The following GCNT2 variants were observed in gnomAD, a reference collection of about 807,000 sequenced individuals.
The protein encoded by GCNT2 is glucosaminyl (N-acetyl) transferase 2 (I blood group), also known as N-acetyllactosaminide beta-1,6-N-acetylglucosaminyl-transferase.
GCNT2 carries 34 observed loss-of-function variants against 34.2 expected under a neutral mutation model. The ratio of observed to expected loss-of-function variants is 1.00; its 90% CI spans 0.76 to 1.32. The LOEUF (loss-of-function observed/expected upper bound fraction) is 1.32, where lower values mean the gene tolerates loss of function less well. GCNT2 is among the 40% of genes most tolerant of loss of function. The pLI, the probability that GCNT2 is intolerant of heterozygous loss-of-function variation, is 0.00. For missense variants in GCNT2, 584 were observed against 489.4 expected, an observed-to-expected ratio of 1.19 and a Z score of -1.82; for synonymous variants, 212 against 188.0, an observed-to-expected ratio of 1.13 and a Z score of -1.04.
At chr6:10,566,654 G>A (rs1763296228) in intron 3 of GCNT2, among the ~76,000 whole-genome samples, 2 of 152,190 alleles carry the variant, frequency 1.3e-5, no homozygotes, top group South Asian at 2.1e-4. Flanking sequence ...AGGCTTCAAG[G>A]GCAGCAGCTG....
At chr6:10,565,776 C>T (rs116787572) in intron 3 of GCNT2, among the ~76,000 whole-genome samples, 1 of 152,286 alleles carries the variant, frequency 6.6e-6, no homozygotes, top group African/African-American at 2.4e-5. Context: ...CGTTCCACTT[C>T]TGGCGCCGTC....
At position 10,617,490 on chromosome 6, in the gene GCNT2, C is replaced by T. The variant is rs1236385399; in HGVS notation, c.926-3861C>T. ...CAGTGCAGCCGCGGGCTGAAGGGCT[C>T]CTCAAGTGGGGCCAGAGTGGGTGCC... is the stretch of plus-strand genomic sequence containing the variant. On this transcript the variant is annotated intron_variant, in intron 3 of 4. Transcript: ENST00000495262. Among the ~76,000 whole-genome samples the T allele has an allele frequency of 3.9e-5, 6 of 152,296 alleles. No individual in the cohort carries two copies. In the South Asian group the frequency reaches 6.2e-4, roughly 16 times the overall value.
intron 3 of GCNT2, among the ~76,000 whole-genome samples, chr6:10,590,817 G>C (rs1399667625): frequency 6.6e-6 from 1 of 152,164 alleles, no homozygotes; most frequent in African/African-American, 2.4e-5. Context: ...CTCCCAAAGT[G>C]CTGGGATTAC....
At chr6:10,605,550 C>T (rs1242598890) in intron 3 of GCNT2, among the ~76,000 whole-genome samples, 4 of 152,006 alleles carry the variant, frequency 2.6e-5, no homozygotes, top group Non-Finnish European at 5.9e-5. Context: ...CTGGGCCCCA[C>T]CTCCACCCAG....
At chr6:10,558,515 C>T (rs1047108361) in intron 3 of GCNT2, among the ~76,000 whole-genome samples, 10 of 152,254 alleles carry the variant, frequency 6.6e-5, no homozygotes, top group African/African-American at 1.2e-4. Flanking sequence ...TTTACCAGAC[C>T]GATTGTTTTT....
chr6:10,536,828 C>T (rs1419165645), intron 3 of GCNT2, among the ~76,000 whole-genome samples: 1 of 151,836 alleles, frequency 6.6e-6, no homozygotes, highest in Non-Finnish European at 1.5e-5. Flanking sequence ...CTCAGCCTCC[C>T]GAGTACCTGG....
At chr6:10,524,847 G>A (rs367828288) in intron 1 of GCNT2, among the ~76,000 whole-genome samples, 1 of 143,494 alleles carries the variant, frequency 7.0e-6, no homozygotes, top group African/African-American at 2.7e-5. Context: ...CCAAAAAAAA[G>A]AAAAGGAAAG....
At chr6:10,560,343 G>A (rs1225989) in intron 3 of GCNT2, among the ~76,000 whole-genome samples, 3,153 of 152,140 alleles carry the variant, frequency 0.021, 110 homozygotes, top group African/African-American at 0.069. Flanking sequence ...CGCCCACCTC[G>A]GCCTCCCAAA....
At position 10,618,843 on chromosome 6, in the gene GCNT2, A is replaced by G. The variant is rs370051831; in HGVS notation, c.926-2508A>G. 3.3e-5 allele frequency among the ~76,000 whole-genome samples: 5 copies of G among 152,344 alleles called. No individual in the cohort carries two copies. In the East Asian group the frequency reaches 9.6e-4, roughly 29 times the overall value. On this transcript the variant is annotated intron_variant, in intron 3 of 4. Transcript: ENST00000495262. Reference sequence around the variant, plus strand: ...TTGCTTAATAGTGTTTTTCTTGAATACTTGAATACTTTTATTAAATAAATT... The same window carrying G: ...TTGCTTAATAGTGTTTTTCTTGAATGCTTGAATACTTTTATTAAATAAATT...
At chr6:10,554,331 A>G (rs1762602820) in intron 3 of GCNT2, among the ~76,000 whole-genome samples, 1 of 152,254 alleles carries the variant, frequency 6.6e-6, no homozygotes, top group African/African-American at 2.4e-5. Flanking sequence ...TATATTTTTC[A>G]ACACACAATG....
intron 3 of GCNT2, among the ~76,000 whole-genome samples, chr6:10,605,364 A>G (rs1243669111): frequency 7.2e-6 from 1 of 139,594 alleles, no homozygotes; most frequent in Non-Finnish European, 1.6e-5. Context: ...GCACAGTACC[A>G]CGCCTGGCTT....
Position 10,569,235 on chromosome 6 carries a change from C to CCACACACACACACA in GCNT2, c.925+39425_925+39438dup, listed in dbSNP as rs373362957. The stretch of plus-strand genomic sequence containing the variant: ...CACCCCCTGCCACCCACTCCCCCCG[C>CCACACACACACACA]CACACACACACACACACACACACAC... On this transcript the variant is annotated intron_variant, in intron 3 of 4. Coordinates refer to ENST00000495262, the MANE Select transcript of GCNT2 (RefSeq NM_145649.5). 6.4e-3 allele frequency among the ~76,000 whole-genome samples: 302 copies of CCACACACACACACA among 47,496 alleles called. 5 individuals are homozygous for CCACACACACACACA. Among genetic ancestry groups the CCACACACACACACA allele is most frequent in the Middle Eastern group, 0.016 (1 of 64 alleles). The allele number at this position is 47,496 out of a possible 152,430, so 31.2% of individuals were successfully genotyped here.
intron 3 of GCNT2, among the ~76,000 whole-genome samples, chr6:10,555,416 G>A (rs1039808628): frequency 1.3e-5 from 2 of 152,082 alleles, no homozygotes; most frequent in African/African-American, 4.8e-5. Flanking sequence ...AGCTTAACTG[G>A]GCAGGCATAT....
chr6:10,570,553 T>G (rs1353478754), intron 3 of GCNT2, among the ~76,000 whole-genome samples: 1 of 152,212 alleles, frequency 6.6e-6, no homozygotes, highest in Non-Finnish European at 1.5e-5. Context: ...ATCAGCCCTC[T>G]CTTCTGGACA....
intron 3 of GCNT2, among the ~76,000 whole-genome samples, chr6:10,531,660 G>C (rs531713470): frequency 4.3e-4 from 65 of 152,304 alleles, no homozygotes; most frequent in African/African-American, 1.5e-3. Flanking sequence ...GTGATCAAAA[G>C]AAATTAGGGC....
chr6:10,542,983 C>A (rs760767111), intron 3 of GCNT2, among the ~76,000 whole-genome samples: 8 of 148,300 alleles, frequency 5.4e-5, no homozygotes, highest in Non-Finnish European at 1.0e-4. Flanking sequence ...TCTCGGCTCA[C>A]TGCAACCTCC....
chr6:10,566,010 G>A (rs1402394529), intron 3 of GCNT2, among the ~76,000 whole-genome samples: 3 of 152,086 alleles, frequency 2.0e-5, no homozygotes, highest in Admixed American at 6.5e-5. Flanking sequence ...AGAGCTCCTC[G>A]AGATCTGGCC....
At position 10,621,429 on chromosome 6, in the gene GCNT2, A is replaced by G. The variant is rs1179276947; in HGVS notation, c.1004A>G (p.His335Arg). ...AIKWSDMEDR[H>R]GGCHGHYVHG... ...AAGTGGAGTGACATGGAAGACAGAC[A>G]CGGAGGCTGCCACGGTGAGGCTCTC... is the stretch of plus-strand genomic sequence containing the variant. The change falls in exon 4 of 5, where the codon CAC becomes CGC. Residue 335 changes from histidine to arginine, a missense_variant. Transcript: ENST00000495262. The G allele has an allele frequency of 6.2e-7, 1 of 1,610,720 alleles. No homozygotes were observed. The highest frequency in any genetic ancestry group is 1.3e-5 in the African/African-American group (1 of 74,882).
intron 3 of GCNT2, among the ~76,000 whole-genome samples, chr6:10,534,724 G>A (rs557744363): frequency 4.8e-4 from 73 of 152,044 alleles, no homozygotes; most frequent in Non-Finnish European, 7.4e-5. Context: ...ATAGTCAGGC[G>A]TGGTGGCATG....
Sources: allele counts gnomAD v4.1 joint callset (sites outside exome capture counted in the v4.1 genomes callset), GRCh38; gene constraint gnomAD v4.1.1; transcripts MANE v1.5; gene names NCBI Gene and HGNC (gene_info 2026-07-23, HGNC 2026-07-21).